Variants in LRRC51 observed in about 807,000 individuals in gnomAD.
LRRC51 encodes leucine-rich repeat-containing protein 51.
In LRRC51, 8 loss-of-function variants were observed where a neutral mutation model predicts 17.8. That is an observed-to-expected ratio of 0.45 (90% CI 0.26 to 0.81). The LOEUF (loss-of-function observed/expected upper bound fraction) is 0.81, where lower values mean the gene tolerates loss of function less well. Among genes scored for constraint, LRRC51 ranks in the 30% least tolerant of loss-of-function variants. The pLI is 0.17. For synonymous variants in LRRC51, 92 were observed against 96.0 expected (o/e 0.96, Z 0.24); for missense variants, 233 against 239.3 (o/e 0.97, Z 0.17).
intron 1 of LRRC51, chr11:72,086,469 C>G: frequency 1.4e-6 from 1 of 702,280 alleles, no homozygotes; most frequent in Non-Finnish European, 2.6e-6. Flanking sequence ...TTAGAAAGAA[C>G]AGCTTAGCAT....
At position 72,096,753 on chromosome 11, in the gene LRRC51, G is replaced by A. The variant is rs1945232207; in HGVS notation, c.*1233G>A. 1 of 1,510,580 alleles carries A rather than the reference G, an allele frequency of 6.6e-7. No individual in the cohort carries two copies. The highest frequency in any genetic ancestry group is 8.9e-7 in the Non-Finnish European group (1 of 1,123,616). The allele number at this position is 1,510,580 out of a possible 1,614,324, so 93.6% of individuals were successfully genotyped here. A position where few individuals can be genotyped will look rare whatever the true frequency, so the allele number is the denominator to read the frequency against. On this transcript the variant is annotated 3_prime_UTR_variant, in exon 6 of 6. Coordinates refer to ENST00000289488, the MANE Select transcript of LRRC51 (RefSeq NM_145309.6). ...CAGGGTCTGTAGAGATGCCTCACAG[G>A]CCTCCATGACAGGCCAAGAAGATGG...
intron 2 of LRRC51, 23 bp from the exon 3 acceptor site, chr11:72,089,006 C>T (rs200673314): frequency 8.7e-6 from 14 of 1,610,058 alleles, no homozygotes; most frequent in Non-Finnish European, 1.2e-5. Flanking sequence ...ACTTGAAACA[C>T]TGGTCTTTCT....
chr11:72,084,836 C>CAAA lies in LRRC51; in HGVS notation c.-139-3445_-139-3443dup, dbSNP rs386374128. Among the ~76,000 whole-genome samples, 56 of 101,666 alleles carry CAAA rather than the reference C, an allele frequency of 5.5e-4. 2 individuals are homozygous for CAAA. Among genetic ancestry groups the CAAA allele is most frequent in the Non-Finnish European group, 7.0e-4 (39 of 55,626 alleles). The allele number at this position is 101,666 out of a possible 152,430, so 66.7% of individuals were successfully genotyped here. A position where few individuals can be genotyped will look rare whatever the true frequency, so the allele number is the denominator to read the frequency against. ...TGCACAACAGAGCGAGACCTTGTCT[C>CAAA]AAAAAAAAAAAAAAAAAAGAAAACC... On this transcript the variant is annotated intron_variant, in intron 1 of 5. Coordinates refer to ENST00000289488, the MANE Select transcript of LRRC51 (RefSeq NM_145309.6).
At chr11:72,095,268 C>T in intron 5 of LRRC51, 111 bp from the exon 6 acceptor site, 2 of 1,599,078 alleles carry the variant, frequency 1.3e-6, no homozygotes, top group Non-Finnish European at 1.7e-6. Context: ...CTTTCCCAAA[C>T]TATGCTCAAG....
chr11:72,091,661 A>G (rs945198776), intron 3 of LRRC51, among the ~76,000 whole-genome samples: 4 of 152,168 alleles, frequency 2.6e-5, no homozygotes, highest in African/African-American at 9.7e-5. Flanking sequence ...TGTTCCATAC[A>G]CCGGGGTTCT....
chr11:72,082,808 CAG>C (rs1278136145), intron 1 of LRRC51, among the ~76,000 whole-genome samples: 4 of 152,150 alleles, frequency 2.6e-5, no homozygotes, highest in African/African-American at 7.2e-5. Context: ...GCACTGCAAC[CAG>C]AGTGATCCTT....
intron 1 of LRRC51, among the ~76,000 whole-genome samples, chr11:72,084,170 G>A (rs1338730264): frequency 6.6e-6 from 1 of 152,064 alleles, no homozygotes; most frequent in East Asian, 1.9e-4. Flanking sequence ...CTAAATATGT[G>A]GCAGATTTTT....
At position 72,089,075 on chromosome 11, in the gene LRRC51, G is replaced by A; in HGVS notation, c.-9G>A. 2 of 1,613,590 alleles carry A rather than the reference G, an allele frequency of 1.2e-6. No homozygotes were observed. The highest frequency in any genetic ancestry group is 1.7e-6 in the Non-Finnish European group (2 of 1,179,946). ...CACCTGCTTGCACCTTTGAATGATG[G>A]CCTGAACTATGAACAAACGGGACTA... On this transcript the variant is annotated 5_prime_UTR_variant, in exon 3 of 6. Transcript: ENST00000289488.
At chr11:72,087,338 C>A (rs1392746784) in intron 1 of LRRC51, among the ~76,000 whole-genome samples, 2 of 125,090 alleles carry the variant, frequency 1.6e-5, no homozygotes, top group East Asian at 2.4e-4. Flanking sequence ...TCTACAGGGT[C>A]TTGCTCTGTC....
chr11:72,086,916 G>A (rs1259717398), intron 1 of LRRC51, among the ~76,000 whole-genome samples: 2 of 152,208 alleles, frequency 1.3e-5, no homozygotes, highest in African/African-American at 2.4e-5. Flanking sequence ...AGTGGGATGA[G>A]CTTCTATCTA....
intron 3 of LRRC51, 64 bp downstream of exon 3, chr11:72,089,229 G>C: frequency 1.9e-6 from 3 of 1,611,106 alleles, no homozygotes; most frequent in Non-Finnish European, 2.5e-6. Flanking sequence ...TCCCTAGGAA[G>C]AAACCATAAT....
intron 1 of LRRC51, chr11:72,086,505 A>C: frequency 1.4e-6 from 1 of 700,408 alleles, no homozygotes; most frequent in Non-Finnish European, 2.6e-6. Flanking sequence ...AGAAATCCTC[A>C]GAATTGGCAG....
intron 3 of LRRC51, among the ~76,000 whole-genome samples, chr11:72,091,959 A>C (rs1944889080): frequency 6.6e-6 from 1 of 152,178 alleles, no homozygotes; most frequent in Non-Finnish European, 1.5e-5. Context: ...GCCCTTACCA[A>C]GGTTACCAGG....
intron 1 of LRRC51, among the ~76,000 whole-genome samples, chr11:72,082,492 T>C (rs537643857): frequency 4.7e-4 from 71 of 152,196 alleles, no homozygotes; most frequent in Non-Finnish European, 9.0e-4. Flanking sequence ...CAGATCTATA[T>C]AGCCAATTGC....
chr11:72,087,508 A>G (rs1054408025), intron 1 of LRRC51, among the ~76,000 whole-genome samples: 4 of 152,160 alleles, frequency 2.6e-5, no homozygotes, highest in African/African-American at 9.7e-5. Flanking sequence ...TTTGAATCCA[A>G]TGATGAGAAC....
At chr11:72,088,937 G>C (rs1003396166) in intron 2 of LRRC51, 92 bp from the exon 3 acceptor site, 85 of 1,451,804 alleles carry the variant, frequency 5.9e-5, no homozygotes, top group Non-Finnish European at 7.4e-5. Context: ...GGCAGGCCTA[G>C]AGTAGTAGAG....
At position 72,083,026 on chromosome 11, in the gene LRRC51, C is replaced by T. The variant is rs573563633; in HGVS notation, c.-140+2141C>T. Among the ~76,000 whole-genome samples, 283 of 152,286 alleles carry T rather than the reference C, an allele frequency of 1.9e-3. 1 individual carries two copies. The highest frequency in any genetic ancestry group is 3.4e-3 in the Non-Finnish European group (234 of 68,022). ...GATTACAGGCATGCGCCACCACACC[C>T]GGCTAATTTTATATTTTTAGTAGAG... On this transcript the variant is annotated intron_variant, in intron 1 of 5. Coordinates refer to ENST00000289488, the MANE Select transcript of LRRC51 (RefSeq NM_145309.6).
intron 3 of LRRC51, among the ~76,000 whole-genome samples, chr11:72,090,826 G>A (rs1016532337): frequency 1.3e-5 from 2 of 152,212 alleles, no homozygotes; most frequent in Non-Finnish European, 2.9e-5. Context: ...GTTGGTGGTT[G>A]AGGGATGACA....
intron 1 of LRRC51, among the ~76,000 whole-genome samples, chr11:72,082,243 G>T (rs771800265): frequency 6.6e-6 from 1 of 152,214 alleles, no homozygotes; most frequent in Non-Finnish European, 1.5e-5. Flanking sequence ...AAACAGAAGG[G>T]CTAACACAGC....
Sources: allele counts gnomAD v4.1 joint callset (sites outside exome capture counted in the v4.1 genomes callset), GRCh38; gene constraint gnomAD v4.1.1; transcripts MANE v1.5; gene names NCBI Gene and HGNC (gene_info 2026-07-23, HGNC 2026-07-21).